The following GGT7 variants were observed in gnomAD, a reference collection of about 807,000 sequenced individuals.
The protein encoded by GGT7 is glutathione hydrolase 7.
In GGT7, 30 loss-of-function variants were observed where a neutral mutation model predicts 69.2. That is an observed-to-expected ratio of 0.43 (90% CI 0.32 to 0.59). The LOEUF is 0.59. GGT7 is among the 20% of genes least tolerant of loss of function. The pLI is 0.05. For synonymous variants in GGT7, 388 were observed against 391.8 expected (o/e 0.99, Z 0.12); for missense variants, 733 against 901.1 (o/e 0.81, Z 2.39).
rs150472983 is a variant in GGT7 at position 34,861,496 on chromosome 20, G to T, written c.624C>A (p.Ser208=). The change falls in exon 4 of 15, where the codon TCC becomes TCA. Residue 208 remains serine, a synonymous_variant. Transcript: ENST00000336431. ...TCTCTTCCCTGAGGGCCCCTGGTGC[G>T]GACTCCCGGAAATCAATTAGGTGGC... ...NESHLIDFRE[S]APGALREETL... The T allele has an allele frequency of 7.1e-6, 11 of 1,548,938 alleles. No homozygotes were observed. In the East Asian group the frequency reaches 2.6e-4, roughly 37 times the overall value.
Position 34,861,568 on chromosome 20 carries a change from A to G in GGT7, c.558-6T>C. ...GTACCAGCATCACGCCCCCACTGGG[A>G]GAGACACAGAAGGGGAAGTGTGATG... On this transcript the variant is annotated splice_region_variant and splice_polypyrimidine_tract_variant and intron_variant, in intron 3 of 14. Transcript: ENST00000336431. 1 of 1,436,696 alleles carries G rather than the reference A, an allele frequency of 7.0e-7. No individual in the cohort carries two copies. The allele number at this position is 1,436,696 out of a possible 1,614,324, so 89.0% of individuals were successfully genotyped here.
rs1427126296 is a variant in GGT7, at chr20:34,852,542, A to C, written c.1320-4T>G. 1 of 1,574,090 alleles carries C rather than the reference A, an allele frequency of 6.4e-7. No homozygotes were observed. The highest frequency in any genetic ancestry group is 1.4e-5 in the African/African-American group (1 of 72,920). On this transcript the variant is annotated splice_polypyrimidine_tract_variant and splice_region_variant and intron_variant, in intron 10 of 14. Transcript: ENST00000336431. ...GAGGTAGGCGGCCTCCACCTTGCTG[A>C]AAAGACAAGGGGTGGGAGATGAGCA...
Position 34,872,685 on chromosome 20 carries a change from C to T in GGT7, c.131G>A (p.Arg44His). The stretch of plus-strand genomic sequence containing the variant: ...TCCCAGAAAGGCGTCCTCGTCCTTG[C>T]GGCCCCTCAGCGGGGCCGCGGGCGC... ...EPAPAAPLRG[R>H]KDEDAFLGDP... is the part of the protein sequence containing the mutation. Residue 44 changes from arginine (R) to histidine (H), a missense_variant, in exon 1 of 15, where the codon CGC (arginine) becomes CAC (histidine). Arg to His is a conservative substitution (Grantham distance 29, BLOSUM62 0). Transcript: ENST00000336431. The T allele has an allele frequency of 1.4e-6, 2 of 1,479,662 alleles. No homozygotes were observed. The highest frequency in any genetic ancestry group is 1.4e-5 in the South Asian group (1 of 73,518). 91.7% of individuals were successfully genotyped at this position (1,479,662 alleles called of 1,614,324 possible). A position where few individuals can be genotyped will look rare whatever the true frequency, so the allele number is the denominator to read the frequency against.
intron 1 of GGT7, among the ~76,000 whole-genome samples, chr20:34,867,718 T>A (rs887136525): frequency 2.0e-5 from 3 of 152,010 alleles, no homozygotes; most frequent in Non-Finnish European, 2.9e-5. Context: ...AAATTTAAAG[T>A]AAAATATAAA....
chr20:34,857,954 A>C (rs2079522789), intron 7 of GGT7, among the ~76,000 whole-genome samples: 1 of 152,180 alleles, frequency 6.6e-6, no homozygotes, highest in South Asian at 2.1e-4. Flanking sequence ...TGGCAAGTTA[A>C]TAAACTCAAC....
rs764764001 is a variant in GGT7, at chr20:34,854,821, T to A, written c.1205A>T (p.Glu402Val). 12 of 1,614,070 alleles carry A rather than the reference T, an allele frequency of 7.4e-6. No homozygotes were observed. The East Asian group carries it at 2.7e-4, about 36-fold the overall frequency. ...CTCTGCCACCCAGTGAAGAGCCTGT[T>A]CTCGGGATACCAGGCTGGTGAGATT... Reference protein sequence around the residue: ...GFNLTSLVSREQALHWVAETL... With the variant: ...GFNLTSLVSRVQALHWVAETL... The change falls in exon 9 of 15, where the codon GAA becomes GTA. Residue 402 changes from glutamate to valine, a missense_variant. Coordinates refer to ENST00000336431, the MANE Select transcript of GGT7 (RefSeq NM_178026.3).
chr20:34,863,510 G>A lies in GGT7; in HGVS notation c.208C>T (p.Leu70=), dbSNP rs1289606818. The A allele has an allele frequency of 1.3e-6, 2 of 1,595,678 alleles. No individual in the cohort carries two copies. Among genetic ancestry groups the A allele is most frequent in the Non-Finnish European group, 1.7e-6 (2 of 1,171,380 alleles). ...CCCATCTCCGACGACGACGATGGCAGCCGCTGCAGCCGTGCAGACTTCAGG... is the reference window on the plus strand; with the variant it reads ...CCCATCTCCGACGACGACGATGGCAACCGCTGCAGCCGTGCAGACTTCAGG... ...SFLKSARLQR[L]PSSSSEMGSQ... The change falls in exon 2 of 15, where the codon CTG becomes TTG. Residue 70 remains leucine, a synonymous_variant. Transcript: ENST00000336431. The surrounding 1 kb of genome is among the most constrained non-coding windows in gnomAD (Gnocchi z 4.4).
rs1555872709 is a variant in GGT7 at position 34,846,295 on chromosome 20, CCTTT to C, written c.1826-808_1826-805del. 2.0e-3 allele frequency among the ~76,000 whole-genome samples: 194 copies of C among 96,366 alleles called. 3 individuals carry two copies. The highest frequency in any genetic ancestry group is 8.2e-3 in the African/African-American group (182 of 22,164). The allele number at this position is 96,366 out of a possible 152,430, so 63.2% of individuals were successfully genotyped here. On this transcript the variant is annotated intron_variant, in intron 14 of 14. Transcript: ENST00000336431. ...CCAGCCCTCCCTCCCTCCCTCCCTT[CCTTT>C]CTTTCTTTCTTTCTTTTTTTTGAGG... is the stretch of plus-strand genomic sequence containing the variant.
At position 34,859,492 on chromosome 20, in the gene GGT7, G is replaced by T; in HGVS notation, c.965C>A (p.Pro322Gln). Reference protein sequence around the residue: ...EVLDVLGTSGPAAFYAGGNLT... With the variant: ...EVLDVLGTSGQAAFYAGGNLT... ...GTTGCCACCTGCGTAGAAGGCAGCC[G>T]GGCCGGAGGTGCCAAGTACATCCAG... Residue 322 changes from proline to glutamine, a missense_variant, in exon 7 of 15, where the codon CCG becomes CAG. By Grantham distance (76) the Pro-to-Gln change is moderately conservative (BLOSUM62 -1). Coordinates refer to ENST00000336431, the MANE Select transcript of GGT7 (RefSeq NM_178026.3). 6.2e-7 allele frequency: 1 copy of T among 1,605,356 alleles called. No individual in the cohort carries two copies.
At position 34,863,381 on chromosome 20, in the gene GGT7, C is replaced by A. The variant is rs376669586; in HGVS notation, c.337G>T (p.Ala113Ser). The change falls in exon 2 of 15, where the codon GCC becomes TCC. Residue 113 changes from alanine (A) to serine (S), a missense_variant. Physicochemically the swap from Ala to Ser is moderately conservative, Grantham distance 99 (BLOSUM62 1). Transcript: ENST00000336431. The surrounding 1 kb of genome is among the most constrained non-coding windows in gnomAD (Gnocchi z 4.4). ...RQDGLTVIVT[A>S]CLTFATGVTV... ...ACACCGGTAGCGAAGGTGAGACAGG[C>A]CGTGACGATGACCGTGAGCCCATCC... 1.5e-4 allele frequency: 245 copies of A among 1,613,920 alleles called. No homozygotes were observed. The highest frequency in any genetic ancestry group is 1.9e-4 in the Non-Finnish European group (225 of 1,180,038).
rs1448877111 is a variant in GGT7 at position 34,863,670 on chromosome 20, C to T, written c.170-122G>A. The T allele has an allele frequency of 2.7e-6, 2 of 752,640 alleles. No individual in the cohort carries two copies. The highest frequency in any genetic ancestry group is 4.8e-6 in the Non-Finnish European group (2 of 417,950). The allele number at this position is 752,640 out of a possible 1,614,324, so 46.6% of individuals were successfully genotyped here. Reference sequence around the variant, plus strand: ...GCCACACAATCCCCGCACTGGCTAGCACTACTCACCTTTCCTCATTTTCGC... The same window carrying T: ...GCCACACAATCCCCGCACTGGCTAGTACTACTCACCTTTCCTCATTTTCGC... On this transcript the variant is annotated intron_variant, in intron 1 of 14. Transcript: ENST00000336431. The surrounding 1 kb of genome is among the most constrained non-coding windows in gnomAD (Gnocchi z 4.4).
At chr20:34,860,387 A>C (rs896702204) in intron 4 of GGT7, 66 bp from the exon 5 acceptor site, 24 of 1,217,382 alleles carry the variant, frequency 2.0e-5, no homozygotes, top group Non-Finnish European at 2.7e-5. Context: ...GCTGGGCTGA[A>C]CTCCGCAGAG....
chr20:34,870,706 A>G, intron 1 of GGT7, among the ~76,000 whole-genome samples: 1 of 151,716 alleles, frequency 6.6e-6, no homozygotes, highest in Non-Finnish European at 1.5e-5. Flanking sequence ...TCCTGACCTC[A>G]GGTGATCCAC....
intron 1 of GGT7, among the ~76,000 whole-genome samples, chr20:34,864,708 G>A (rs1190345489): frequency 2.1e-5 from 3 of 144,414 alleles, no homozygotes; most frequent in South Asian, 4.6e-4. Context: ...GTGACAGAGT[G>A]AGACTCTGTC....
At chr20:34,869,103 C>T (rs1287858321) in intron 1 of GGT7, among the ~76,000 whole-genome samples, 2 of 151,996 alleles carry the variant, frequency 1.3e-5, no homozygotes, top group Non-Finnish European at 2.9e-5. Flanking sequence ...AGGCTAGGGT[C>T]ATCCCTGGCT....
At chr20:34,860,896 T>G (rs1046892323) in intron 4 of GGT7, among the ~76,000 whole-genome samples, 16 of 152,188 alleles carry the variant, frequency 1.1e-4, no homozygotes, top group African/African-American at 3.9e-4. Flanking sequence ...TGAGCCACTG[T>G]GCCCAGGCAA....
intron 14 of GGT7, among the ~76,000 whole-genome samples, chr20:34,846,431 G>A (rs948559340): frequency 1.5e-4 from 23 of 151,748 alleles, no homozygotes; most frequent in African/African-American, 5.1e-4. Context: ...AGCCTCCCCA[G>A]TAGCTGGGAT....
At chr20:34,866,865 G>A (rs1029347457) in intron 1 of GGT7, among the ~76,000 whole-genome samples, 5 of 152,058 alleles carry the variant, frequency 3.3e-5, no homozygotes, top group Non-Finnish European at 5.9e-5. Context: ...ACAGGCATAA[G>A]CCACCGCACC....
At chr20:34,852,664 A>G (rs979504750) in intron 10 of GGT7, 126 bp from the exon 11 acceptor site, 6 of 795,882 alleles carry the variant, frequency 7.5e-6, no homozygotes, top group Non-Finnish European at 1.1e-5. Context: ...TACTAGGTCT[A>G]TGAGTGCAGA....
Sources: allele counts gnomAD v4.1 joint callset (sites outside exome capture counted in the v4.1 genomes callset), GRCh38; gene constraint gnomAD v4.1.1; non-coding constraint Gnocchi (gnomAD v3.1); transcripts MANE v1.5; gene names NCBI Gene and HGNC (gene_info 2026-07-23, HGNC 2026-07-21).